LFNG: variants seen among roughly 807,000 people sequenced by gnomAD.
The protein encoded by LFNG is beta-1,3-N-acetylglucosaminyltransferase lunatic fringe.
A neutral mutation model predicts 32.7 loss-of-function variants in LFNG; 15 were observed. That is an observed-to-expected ratio of 0.46 (90% CI 0.31 to 0.71). LFNG has a LOEUF of 0.71. LFNG is among the 30% of genes least tolerant of loss of function. The pLI is 0.06. For missense variants in LFNG, 520 were observed against 545.7 expected, an observed-to-expected ratio of 0.95 and a Z score of 0.47; for synonymous variants, 274 against 246.8, an observed-to-expected ratio of 1.11 and a Z score of -1.03.
At chr7:2,516,503 G>T (rs1779631643), upstream of LFNG, among the ~76,000 whole-genome samples, 2 of 152,208 alleles carry the variant, frequency 1.3e-5, no homozygotes. Flanking sequence ...GGACCTGGTG[G>T]CACTGACTCC....
At chr7:2,522,469 G>A (rs1190798322) in intron 1 of LFNG, among the ~76,000 whole-genome samples, 1 of 152,190 alleles carries the variant, frequency 6.6e-6, no homozygotes, top group Non-Finnish European at 1.5e-5. Context: ...CCAGGCTGCC[G>A]CGCTGCCACC....
At position 2,527,175 on chromosome 7, in the gene LFNG, C is replaced by T. The variant is rs1780011497; in HGVS notation, c.1103C>T (p.Pro368Leu). The part of the protein sequence containing the change: ...RFRSIHCHLY[P>L]DTPWCPRTAI... Reference sequence around the variant, plus strand: ...CGCTCCATCCACTGCCACCTGTACCCGGACACACCCTGGTGTCCCCGCACT... The same window carrying T: ...CGCTCCATCCACTGCCACCTGTACCTGGACACACCCTGGTGTCCCCGCACT... Residue 368 changes from proline to leucine, a missense_variant, in exon 8 of 8, where the codon CCG (proline) becomes CTG (leucine). Transcript: ENST00000222725. This position sits in a 1 kb window ranked among gnomAD's most constrained non-coding sequence, Gnocchi z 4.4. The T allele has an allele frequency of 1.1e-5, 18 of 1,612,886 alleles. No homozygotes were observed. The East Asian group carries it at 1.6e-4, about 14-fold the overall frequency.
upstream of LFNG, among the ~76,000 whole-genome samples, chr7:2,516,278 G>A (rs996666061): frequency 2.0e-5 from 3 of 152,248 alleles, no homozygotes; most frequent in Admixed American, 6.5e-5. Context: ...TCCATCAGCC[G>A]ATGAGTGGAC....
upstream of LFNG, among the ~76,000 whole-genome samples, chr7:2,514,816 GTCCATCCATCCATCCA>G (rs5881928): frequency 2.3e-4 from 26 of 111,296 alleles, no homozygotes; most frequent in African/African-American, 5.8e-4. Context: ...CGGTCTGTCT[GTCCATCCATCCATCCA>G]TCCATCCATC....
intron 5 of LFNG, 123 bp downstream of exon 5, chr7:2,525,893 C>A (rs1345638790): frequency 5.8e-6 from 5 of 860,082 alleles, no homozygotes; most frequent in Non-Finnish European, 9.3e-6. Flanking sequence ...TGCCCACTTA[C>A]TTCCTATATT....
rs1206130729 is a variant in LFNG at position 2,520,134 on chromosome 7, G to T, written c.273G>T (p.Pro91=). ...GCGCGCGCAGAGATGCGGGCCCGCC[G>T]CCCGGGGCTGCCCCCCGCCCCGCCG... is the stretch of plus-strand genomic sequence containing the variant. ...LTRARRDAGP[P]PGAAPRPADG... The change falls in exon 1 of 8, where the codon CCG becomes CCT. Residue 91 remains proline, a synonymous_variant. Transcript: ENST00000222725. The surrounding 1 kb of genome is among the most constrained non-coding windows in gnomAD (Gnocchi z 5.0). 3 of 1,368,384 alleles carry T rather than the reference G, an allele frequency of 2.2e-6. No individual in the cohort carries two copies. The highest frequency in any genetic ancestry group is 1.7e-5 in the South Asian group (1 of 57,530). 84.8% of individuals were successfully genotyped at this position (1,368,384 alleles called of 1,614,324 possible). A position where few individuals can be genotyped will look rare whatever the true frequency, so the allele number is the denominator to read the frequency against.
At chr7:2,516,811 CTGGTCTGGA>C (rs1279326224), upstream of LFNG, among the ~76,000 whole-genome samples, 1 of 152,254 alleles carries the variant, frequency 6.6e-6, no homozygotes, top group African/African-American at 2.4e-5. Flanking sequence ...GCTGGCCTGC[CTGGTCTGGA>C]TGGTATGTCA....
At chr7:2,529,045 A>C (rs1397306171), downstream of LFNG, 16 of 428,620 alleles carry the variant, frequency 3.7e-5, no homozygotes, top group Non-Finnish European at 5.0e-5. The surrounding 1 kb of genome is among the most constrained non-coding windows in gnomAD (Gnocchi z 4.2). Context: ...GACCCCGCTC[A>C]GGGGTGGTGG....
At position 2,527,315 on chromosome 7, in the gene LFNG, C is replaced by CGTTCCT; in HGVS notation, c.*105_*106insTCCTGT. Reference sequence around the variant, plus strand: ...TCGGCATTCGAGGCTCCCCTAGGGCCGTGCCTGTGCGTGTGCGTGTGCGTG... The same window carrying CGTTCCT: ...TCGGCATTCGAGGCTCCCCTAGGGCCGTTCCTGTGCCTGTGCGTGTGCGTGTGCGTG... On this transcript the variant is annotated 3_prime_UTR_variant, in exon 8 of 8. Coordinates refer to ENST00000222725, the MANE Select transcript of LFNG (RefSeq NM_001040167.2). The surrounding 1 kb of genome is among the most constrained non-coding windows in gnomAD (Gnocchi z 4.4). 1 of 1,536,090 alleles carries CGTTCCT rather than the reference C, an allele frequency of 6.5e-7. No individual in the cohort carries two copies. The highest frequency in any genetic ancestry group is 8.7e-7 in the Non-Finnish European group (1 of 1,149,134).
At position 2,520,745 on chromosome 7, in the gene LFNG, C is replaced by T. The variant is rs976816013; in HGVS notation, c.432+452C>T. The stretch of plus-strand genomic sequence containing the variant: ...GGTTCTGACCTCTGGGCCCTTTCCT[C>T]ATCACAGTGTTAAGGTACGGGGAGG... On this transcript the variant is annotated intron_variant, in intron 1 of 7. Transcript: ENST00000222725. The surrounding 1 kb of genome is among the most constrained non-coding windows in gnomAD (Gnocchi z 5.0). 6.6e-6 allele frequency among the ~76,000 whole-genome samples: 1 copy of T among 152,216 alleles called. No homozygotes were observed. Among genetic ancestry groups the T allele is most frequent in the Admixed American group, 6.5e-5 (1 of 15,284 alleles).
upstream of LFNG, among the ~76,000 whole-genome samples, chr7:2,514,984 A>G (rs937133105): frequency 1.3e-5 from 2 of 150,940 alleles, no homozygotes; most frequent in East Asian, 2.0e-4. Flanking sequence ...CCATCCATCC[A>G]TCCGTCCGTC....
At chr7:2,513,649 C>A (rs286561), upstream of LFNG, among the ~76,000 whole-genome samples, 45,295 of 152,102 alleles carry the variant, frequency 0.3, 6,814 homozygotes, top group East Asian at 0.46. Flanking sequence ...CTGACAGGCA[C>A]CACCGTGGCC....
chr7:2,515,951 C>G (rs1779617899), upstream of LFNG, among the ~76,000 whole-genome samples: 1 of 152,236 alleles, frequency 6.6e-6, no homozygotes, highest in African/African-American at 2.4e-5. Flanking sequence ...CCCAGCCAAC[C>G]TTCCCATCAC....
Position 2,527,052 on chromosome 7 carries a change from C to G in LFNG, c.1074-94C>G, listed in dbSNP as rs753066389. On this transcript the variant is annotated intron_variant, in intron 7 of 7. Coordinates refer to ENST00000222725, the MANE Select transcript of LFNG (RefSeq NM_001040167.2). This position sits in a 1 kb window ranked among gnomAD's most constrained non-coding sequence, Gnocchi z 4.4. ...GAGGTGTCCCCCGGAGTCCTGCTTG[C>G]TCGGGGTGGGGCCGCCAGTGTTGTG... 4 of 1,452,602 alleles carry G rather than the reference C, an allele frequency of 2.8e-6. No homozygotes were observed. 90.0% of individuals were successfully genotyped at this position (1,452,602 alleles called of 1,614,324 possible).
chr7:2,526,239 C>A lies in LFNG; in HGVS notation c.822-5C>A. On this transcript the variant is annotated splice_polypyrimidine_tract_variant and splice_region_variant and intron_variant, in intron 5 of 7. Coordinates refer to ENST00000222725, the MANE Select transcript of LFNG (RefSeq NM_001040167.2). The surrounding 1 kb of genome is among the most constrained non-coding windows in gnomAD (Gnocchi z 6.9). ...CTCACTGGTCTGGGCCCTTCCCTCC[C>A]GCAGCGGGGGTCACTTCATGAATAC... 1.9e-6 allele frequency: 3 copies of A among 1,612,778 alleles called. No homozygotes were observed. Among genetic ancestry groups the A allele is most frequent in the Non-Finnish European group, 1.7e-6 (2 of 1,179,946 alleles).
chr7:2,520,442 CCCAGTT>C lies in LFNG; in HGVS notation c.432+150_432+155del. 1 of 710,408 alleles carries C rather than the reference CCCAGTT, an allele frequency of 1.4e-6. No homozygotes were observed. Among genetic ancestry groups the C allele is most frequent in the Non-Finnish European group, 2.2e-6 (1 of 449,014 alleles). 44.0% of individuals were successfully genotyped at this position (710,408 alleles called of 1,614,324 possible). ...GGCGACGCCAGTGCACCCCGGTGCACCCAGTTTGCCTGCTGGGGCCACTCTCCCGTT... is the reference window on the plus strand; with the variant it reads ...GGCGACGCCAGTGCACCCCGGTGCACTGCCTGCTGGGGCCACTCTCCCGTT... On this transcript the variant is annotated intron_variant, in intron 1 of 7. Coordinates refer to ENST00000222725, the MANE Select transcript of LFNG (RefSeq NM_001040167.2). The surrounding 1 kb of genome is among the most constrained non-coding windows in gnomAD (Gnocchi z 5.0).
At chr7:2,519,677 G>A (rs1332043098), upstream of LFNG, among the ~76,000 whole-genome samples, 2 of 149,268 alleles carry the variant, frequency 1.3e-5, no homozygotes, top group African/African-American at 4.9e-5. Flanking sequence ...AGCGGCGACC[G>A]GCGCGAGGCC....
At chr7:2,528,904 G>A (rs934704899), downstream of LFNG, 9 of 536,808 alleles carry the variant, frequency 1.7e-5, no homozygotes, top group Non-Finnish European at 1.7e-5. Flanking sequence ...AGCAGCTGAT[G>A]CCCAAGGTCC....
rs181728906 is a variant in LFNG at position 2,526,596 on chromosome 7, G to A, written c.987+187G>A. Among the ~76,000 whole-genome samples, 1,643 of 152,232 alleles carry A rather than the reference G, an allele frequency of 0.011. 29 individuals carry two copies. Among genetic ancestry groups the A allele is most frequent in the African/African-American group, 0.038 (1,573 of 41,518 alleles). On this transcript the variant is annotated intron_variant, in intron 6 of 7. Coordinates refer to ENST00000222725, the MANE Select transcript of LFNG (RefSeq NM_001040167.2). This position sits in a 1 kb window ranked among gnomAD's most constrained non-coding sequence, Gnocchi z 6.9. ...GTTTATGGCGGGTTGTTTTCCTGCC[G>A]TCTCTTCTCTTCACTGTGATGCGCC...
Sources: gnomAD v4.1 joint callset for allele counts (sites outside exome capture counted in the v4.1 genomes callset) on GRCh38, gnomAD v4.1.1 for gene constraint, Gnocchi (gnomAD v3.1) non-coding constraint, MANE v1.5 for transcripts, NCBI Gene and HGNC (gene_info 2026-07-23, HGNC 2026-07-21) for gene names.